Variants in SGCG observed in about 807,000 individuals in gnomAD.
SGCG encodes sarcoglycan gamma, also known as gamma-sarcoglycan.
Under a neutral mutation model 29.3 loss-of-function variants are expected in SGCG, and 26 were observed. The observed-to-expected ratio is 0.89, with a 90% confidence interval of 0.65 to 1.23. SGCG has a LOEUF of 1.23. Among genes scored for constraint, SGCG ranks in the 50% most tolerant of loss-of-function variants. The pLI, the probability that SGCG is intolerant of heterozygous loss-of-function variation, is 0.00. For missense variants in SGCG, 353 were observed against 356.0 expected, an observed-to-expected ratio of 0.99 and a Z score of 0.07; for synonymous variants, 145 against 129.7, an observed-to-expected ratio of 1.12 and a Z score of -0.80.
At position 23,192,959 on chromosome 13, in the gene SGCG, A is replaced by T. The variant is rs146794596; in HGVS notation, c.1-10736A>T. ...TTCCTGTCTTCCTGGAGGTGAGTCT[A>T]ATGAGGACCAGGCAATAAAAAGTAA... On this transcript the variant is annotated intron_variant, in intron 1 of 7. Transcript: ENST00000218867. Among the ~76,000 whole-genome samples, 1,039 of 152,298 alleles carry T rather than the reference A, an allele frequency of 6.8e-3. 15 individuals are homozygous for T. The highest frequency in any genetic ancestry group is 0.024 in the African/African-American group (997 of 41,550).
In SGCG at chr13:23,276,431, C is replaced by CTT. The variant is rs71100165; in HGVS notation, c.386-2910_386-2909dup. 7.2e-3 allele frequency among the ~76,000 whole-genome samples: 732 copies of CTT among 102,344 alleles called. 53 individuals carry two copies. Among genetic ancestry groups the CTT allele is most frequent in the African/African-American group, 0.02 (563 of 28,560 alleles). 67.1% of individuals were successfully genotyped at this position (102,344 alleles called of 152,430 possible). On this transcript the variant is annotated intron_variant, in intron 4 of 7. Transcript: ENST00000218867. Reference sequence around the variant, plus strand: ...CATGAACGCTTTCTTTTTTAGTTTTCTTTTTTTTTTTTTTTTTTTGAGACA... The same window carrying CTT: ...CATGAACGCTTTCTTTTTTAGTTTTCTTTTTTTTTTTTTTTTTTTTTGAGACA...
At chr13:23,170,204 G>C in the SGCG span, among the ~76,000 whole-genome samples, 1 of 152,126 alleles carries the variant, frequency 6.6e-6, no homozygotes, top group African/African-American at 2.4e-5. Context: ...TCTAATTCTT[G>C]GTATCAAACA....
At chr13:23,242,236 C>T (rs1308992032) in intron 3 of SGCG, among the ~76,000 whole-genome samples, 1 of 152,086 alleles carries the variant, frequency 6.6e-6, no homozygotes, top group East Asian at 1.9e-4. Context: ...TTAGTTTCTG[C>T]CATTCCCATA....
At chr13:23,186,301 G>T (rs1230264185) in intron 1 of SGCG, among the ~76,000 whole-genome samples, 1 of 152,178 alleles carries the variant, frequency 6.6e-6, no homozygotes, top group Non-Finnish European at 1.5e-5. Flanking sequence ...ATGCCTTGCT[G>T]GTCCGCCTGG....
chr13:23,169,525 A>G, the SGCG span, among the ~76,000 whole-genome samples: 1 of 152,038 alleles, frequency 6.6e-6, no homozygotes, highest in Non-Finnish European at 1.5e-5. Context: ...CTAAAAATAC[A>G]AAAATTAGTT....
rs1233565907 is a variant in SGCG, at chr13:23,324,597, A to G, written c.*56A>G. ...GTGCCGGCCCCAGATCCTCACACCC[A>G]GGGAGCAGCTGCACATCGTGAAAGA... On this transcript the variant is annotated 3_prime_UTR_variant, in exon 8 of 8. Transcript: ENST00000218867. 2.0e-6 allele frequency: 3 copies of G among 1,480,156 alleles called. No homozygotes were observed. In the Admixed American group the frequency reaches 5.1e-5, roughly 25 times the overall value. 91.7% of individuals were successfully genotyped at this position (1,480,156 alleles called of 1,614,324 possible).
At chr13:23,161,916 A>G in the SGCG span, among the ~76,000 whole-genome samples, 1 of 152,280 alleles carries the variant, frequency 6.6e-6, no homozygotes, top group Admixed American at 6.5e-5. Context: ...GATACACTTA[A>G]CACCGTGGCC....
In SGCG at chr13:23,229,617, C is replaced by T. The variant is rs374502733; in HGVS notation, c.196-4994C>T. 4.1e-4 allele frequency among the ~76,000 whole-genome samples: 62 copies of T among 152,288 alleles called. 1 individual carries two copies. The highest frequency in any genetic ancestry group is 3.4e-3 in the Middle Eastern group (1 of 294). ...TTGAAAAGTGTTCATGTCCTTTCCCCACTTTTTAATGAGGTTGTTTGTTCT... is the reference window on the plus strand; with the variant it reads ...TTGAAAAGTGTTCATGTCCTTTCCCTACTTTTTAATGAGGTTGTTTGTTCT... On this transcript the variant is annotated intron_variant, in intron 2 of 7. Transcript: ENST00000218867.
At chr13:23,189,581 A>G (rs570339710) in intron 1 of SGCG, among the ~76,000 whole-genome samples, 1 of 152,296 alleles carries the variant, frequency 6.6e-6, no homozygotes, top group East Asian at 1.9e-4. Flanking sequence ...AAAATAGTTG[A>G]GGTAGAGATT....
chr13:23,308,540 T>C (rs73170818), intron 6 of SGCG, among the ~76,000 whole-genome samples: 12,465 of 152,210 alleles, frequency 0.082, 657 homozygotes, highest in Middle Eastern at 0.16. Context: ...AGAGTTGTAT[T>C]GGCTGTTTTT....
intron 4 of SGCG, among the ~76,000 whole-genome samples, chr13:23,258,607 G>A (rs1880295861): frequency 6.6e-6 from 1 of 152,080 alleles, no homozygotes; most frequent in African/African-American, 2.4e-5. Flanking sequence ...GGTGAGAGAG[G>A]GCATCCCTGT....
In SGCG at chr13:23,312,217, T is replaced by C. The variant is rs140000958; in HGVS notation, c.579-8420T>C. ...CTACCAAAGGGAAATTTCTATAAGC[T>C]AAAATTCCTCTTTTAAATACAAAGC... On this transcript the variant is annotated intron_variant, in intron 6 of 7. Transcript: ENST00000218867. Among the ~76,000 whole-genome samples the C allele has an allele frequency of 4.9e-3, 739 of 152,344 alleles. 5 individuals carry two copies. Among genetic ancestry groups the C allele is most frequent in the African/African-American group, 0.017 (699 of 41,582 alleles).
At position 23,269,840 on chromosome 13, in the gene SGCG, T is replaced by G. The variant is rs112683734; in HGVS notation, c.386-9519T>G. Among the ~76,000 whole-genome samples the G allele has an allele frequency of 1.8e-3, 275 of 150,330 alleles. 3 individuals are homozygous for G. The highest frequency in any genetic ancestry group is 6.4e-3 in the African/African-American group (265 of 41,096). On this transcript the variant is annotated intron_variant, in intron 4 of 7. Transcript: ENST00000218867. ...AGTAACAATTGCATATGTATTTTGT[T>G]TTTTTTTTTGGTTTGCTTTTTTTTG...
At chr13:23,212,640 A>C (rs539896209) in intron 2 of SGCG, among the ~76,000 whole-genome samples, 2 of 152,332 alleles carry the variant, frequency 1.3e-5, no homozygotes, top group South Asian at 4.1e-4. Context: ...TGAACCCCTC[A>C]AAGGCAAATT....
At chr13:23,269,268 A>G (rs1880764347) in intron 4 of SGCG, 1 of 152,246 alleles carries the variant, frequency 6.6e-6, no homozygotes, top group Admixed American at 6.5e-5. Context: ...TACAGAGATA[A>G]GATATTTTTG....
upstream of SGCG, among the ~76,000 whole-genome samples, chr13:23,176,679 A>G (rs899046645): frequency 1.3e-5 from 2 of 152,068 alleles, no homozygotes; most frequent in African/African-American, 2.4e-5. Context: ...CTTTTTATCC[A>G]TTCAGCCACA....
At chr13:23,316,081 G>T (rs936214835) in intron 6 of SGCG, among the ~76,000 whole-genome samples, 2 of 152,160 alleles carry the variant, frequency 1.3e-5, no homozygotes, top group Non-Finnish European at 2.9e-5. Flanking sequence ...GCTCACCAAG[G>T]CTATTCTGGC....
chr13:23,287,562 A>G (rs1881539288), intron 5 of SGCG, among the ~76,000 whole-genome samples: 1 of 152,202 alleles, frequency 6.6e-6, no homozygotes, highest in African/African-American at 2.4e-5. Context: ...CTGTGAGCTA[A>G]CACATGAGGA....
intron 5 of SGCG, among the ~76,000 whole-genome samples, chr13:23,282,409 T>C (rs1044110791): frequency 6.6e-6 from 1 of 152,156 alleles, no homozygotes. Context: ...TGGGGGTTTG[T>C]TGTACAGATT....
Sources: gnomAD v4.1 joint callset for allele counts (sites outside exome capture counted in the v4.1 genomes callset) on GRCh38, gnomAD v4.1.1 for gene constraint, MANE v1.5 for transcripts, NCBI Gene and HGNC (gene_info 2026-07-23, HGNC 2026-07-21) for gene names.